Variants in KIF1A observed in about 807,000 individuals in gnomAD.
KIF1A encodes kinesin family member 1A, also known as kinesin-like protein KIF1A.
In KIF1A, 46 loss-of-function variants were observed where a neutral mutation model predicts 227.3. That is an observed-to-expected ratio of 0.20 (90% CI 0.16 to 0.26). KIF1A has a LOEUF of 0.26. Ranked by LOEUF, KIF1A falls within the 10% of genes least tolerant of loss-of-function variation. The pLI, the probability that KIF1A is intolerant of heterozygous loss-of-function variation, is 1.00. For synonymous variants in KIF1A, 1,022 were observed against 1,012.8 expected (o/e 1.01, Z -0.17); for missense variants, 1,683 against 2,485.9 (o/e 0.68, Z 6.87).
intron 7 of KIF1A, among the ~76,000 whole-genome samples, chr2:240,784,691 G>A (rs1199933361): frequency 6.6e-6 from 1 of 152,204 alleles, no homozygotes; most frequent in Non-Finnish European, 1.5e-5. Context: ...GTCAGGGAGA[G>A]GCTGGGTGCC....
chr2:240,769,578 C>T (rs772193615), intron 16 of KIF1A, 49 bp downstream of exon 16: 4 of 1,510,102 alleles, frequency 2.6e-6, no homozygotes, highest in Non-Finnish European at 3.7e-6. Flanking sequence ...AGGCTCCGGG[C>T]TTGCTGGCTG....
At position 240,793,999 on chromosome 2, in the gene KIF1A, C is replaced by T. The variant is rs1223618040; in HGVS notation, c.106+3648G>A. Among the ~76,000 whole-genome samples, 2 of 152,220 alleles carry T rather than the reference C, an allele frequency of 1.3e-5. No individual in the cohort carries two copies. The highest frequency in any genetic ancestry group is 4.8e-5 in the African/African-American group (2 of 41,448). On this transcript the variant is annotated intron_variant, in intron 2 of 48. Coordinates refer to ENST00000498729, the MANE Select transcript of KIF1A (RefSeq NM_001244008.2). The surrounding 1 kb of genome is among the most constrained non-coding windows in gnomAD (Gnocchi z 4.8). ...TTGATCTGAGCTGCAGCTGAGAAGT[C>T]ACCAGGGACGGTGGCTCCTGTGAGT...
intron 10 of KIF1A, chr2:240,782,094 C>T: frequency 1.0e-6 from 1 of 985,386 alleles, no homozygotes; most frequent in Non-Finnish European, 1.2e-6. Flanking sequence ...CCACGCGGTT[C>T]CTCACACAGT....
Position 240,750,551 on chromosome 2 carries a change from G to A in KIF1A, c.2859-4C>T. 6.2e-7 allele frequency: 1 copy of A among 1,609,658 alleles called. No homozygotes were observed. The highest frequency in any genetic ancestry group is 8.5e-7 in the Non-Finnish European group (1 of 1,176,176). Reference sequence around the variant, plus strand: ...GTTGCTCAGGTACACGAAGGCCCTGGGGAGAAGCAGAGGCGGCGGTCATGG... The same window carrying A: ...GTTGCTCAGGTACACGAAGGCCCTGAGGAGAAGCAGAGGCGGCGGTCATGG... On this transcript the variant is annotated splice_region_variant and splice_polypyrimidine_tract_variant and intron_variant, in intron 27 of 48. Coordinates refer to ENST00000498729, the MANE Select transcript of KIF1A (RefSeq NM_001244008.2).
chr2:240,776,076 C>T (rs1401628819), intron 10 of KIF1A, 150 bp from the exon 11 acceptor site: 1 of 649,080 alleles, frequency 1.5e-6, no homozygotes, highest in Non-Finnish European at 2.8e-6. Flanking sequence ...TCTCAGGCTG[C>T]CCAGGCCTCT....
chr2:240,783,630 A>G, intron 8 of KIF1A, 109 bp downstream of exon 8: 1 of 787,376 alleles, frequency 1.3e-6, no homozygotes, highest in Non-Finnish European at 2.0e-6. Flanking sequence ...ATGCAGGCTC[A>G]CCCTCAGGGT....
chr2:240,746,372 G>A (rs1048778787), intron 29 of KIF1A, among the ~76,000 whole-genome samples, 195 bp from the exon 30 acceptor site: 1 of 152,210 alleles, frequency 6.6e-6, no homozygotes, highest in Admixed American at 6.5e-5. Context: ...TCCCTGCTGT[G>A]GATGTGTGTC....
In KIF1A at chr2:240,747,375, T is replaced by G. The variant is rs1227644351; in HGVS notation, c.2978-54A>C. Reference sequence around the variant, plus strand: ...AGCCCAGCTTGTCCCCTGAGGTGGGTGTGGGCAGAGCCAGGCTGGGCCACC... The same window carrying G: ...AGCCCAGCTTGTCCCCTGAGGTGGGGGTGGGCAGAGCCAGGCTGGGCCACC... On this transcript the variant is annotated intron_variant, in intron 28 of 48. Transcript: ENST00000498729. The G allele has an allele frequency of 6.8e-6, 10 of 1,469,648 alleles. No individual in the cohort carries two copies. In the East Asian group the frequency reaches 6.9e-5, roughly 10 times the overall value. The allele number at this position is 1,469,648 out of a possible 1,614,324, so 91.0% of individuals were successfully genotyped here. A position where few individuals can be genotyped will look rare whatever the true frequency, so the allele number is the denominator to read the frequency against.
intron 10 of KIF1A, among the ~76,000 whole-genome samples, chr2:240,776,691 T>A (rs536509685): frequency 1.3e-5 from 2 of 152,364 alleles, no homozygotes; most frequent in South Asian, 4.1e-4. Context: ...ATGCATTGGC[T>A]TATGAAGCAT....
At position 240,730,951 on chromosome 2, in the gene KIF1A, C is replaced by T. The variant is rs1261848299; in HGVS notation, c.4008-4011G>A. ...CCTCCAGCCTGAGTCCTGGTCAGTACTGGCCCCACCCTCCAAGCCCCCTGA... is the reference window on the plus strand; with the variant it reads ...CCTCCAGCCTGAGTCCTGGTCAGTATTGGCCCCACCCTCCAAGCCCCCTGA... On this transcript the variant is annotated intron_variant, in intron 38 of 48. Transcript: ENST00000498729. Among the ~76,000 whole-genome samples the T allele has an allele frequency of 2.0e-5, 3 of 152,214 alleles. 1 individual carries two copies. In the South Asian group the frequency reaches 6.2e-4, roughly 32 times the overall value.
intron 9 of KIF1A, among the ~76,000 whole-genome samples, 168 bp from the exon 10 acceptor site, chr2:240,782,775 G>A (rs944775508): frequency 1.3e-5 from 2 of 152,136 alleles, no homozygotes; most frequent in Admixed American, 6.5e-5. Flanking sequence ...CTCCAGGGCC[G>A]CCCTTCCCGG....
Position 240,757,365 on chromosome 2 carries a change from G to C in KIF1A, c.2812C>G (p.Arg938Gly), listed in dbSNP as rs375371570. The change falls in exon 27 of 49, where the codon CGG (arginine) becomes GGG (glycine). Residue 938 changes from arginine (R) to glycine (G), a missense_variant. By Grantham distance (125) the Arg-to-Gly change is moderately radical. This residue lies in a region of KIF1A where 759 missense variants were observed against 1,020.2 expected (regional missense o/e 0.74). Coordinates refer to ENST00000498729, the MANE Select transcript of KIF1A (RefSeq NM_001244008.2). The surrounding 1 kb of genome is among the most constrained non-coding windows in gnomAD (Gnocchi z 6.2). ...VFPEHALCDG[R>G]DPFYDRPPLF... ...GGGGGCCGGTCGTAAAACGGGTCCCGGCCGTCGCACAGCGCGTGCTCCGGA... is the reference window on the plus strand; with the variant it reads ...GGGGGCCGGTCGTAAAACGGGTCCCCGCCGTCGCACAGCGCGTGCTCCGGA... 7 of 1,550,644 alleles carry C rather than the reference G, an allele frequency of 4.5e-6. No homozygotes were observed. The South Asian group carries it at 8.3e-5, about 18-fold the overall frequency.
At chr2:240,747,449 G>A (rs887640829) in intron 28 of KIF1A, 128 bp from the exon 29 acceptor site, 3 of 651,662 alleles carry the variant, frequency 4.6e-6, no homozygotes, top group Non-Finnish European at 7.9e-6. Flanking sequence ...GCAGACCCCT[G>A]ACCGAATCTG....
intron 7 of KIF1A, 118 bp from the exon 8 acceptor site, chr2:240,783,934 C>T (rs1217501828): frequency 5.3e-6 from 4 of 758,794 alleles, no homozygotes; most frequent in African/African-American, 3.4e-5. Context: ...GTCCCCTCTG[C>T]AAGGCGCCGC....
intron 1 of KIF1A, among the ~76,000 whole-genome samples, chr2:240,810,507 G>C (rs2057780325): frequency 6.6e-6 from 1 of 152,122 alleles, no homozygotes; most frequent in South Asian, 2.1e-4. Flanking sequence ...AAAATAACAT[G>C]GTAACATCTG....
Position 240,798,750 on chromosome 2 carries a change from G to A in KIF1A, c.-60-938C>T, listed in dbSNP as rs143326824. ...TCCCCGTGGGACTTGCGGCCTGAAC[G>A]ATGGGGCTCCTGGGCACAGGGACAG... On this transcript the variant is annotated intron_variant, in intron 1 of 48. Coordinates refer to ENST00000498729, the MANE Select transcript of KIF1A (RefSeq NM_001244008.2). Among the ~76,000 whole-genome samples the A allele has an allele frequency of 1.2e-3, 186 of 152,334 alleles. 3 individuals are homozygous for A. The highest frequency in any genetic ancestry group is 3.4e-3 in the Middle Eastern group (1 of 294).
chr2:240,718,242 CCAGG>C, intron 47 of KIF1A, 74 bp from the exon 48 acceptor site: 1 of 1,060,064 alleles, frequency 9.4e-7, no homozygotes, highest in Non-Finnish European at 1.4e-6. Flanking sequence ...TCCCCAGGGC[CCAGG>C]CAGGCAGGGG....
intron 38 of KIF1A, among the ~76,000 whole-genome samples, chr2:240,727,546 C>CG (rs902556804): frequency 1.3e-5 from 2 of 152,180 alleles, no homozygotes; most frequent in African/African-American, 2.4e-5. Context: ...AGGAAGGCCC[C>CG]GGGGGGAGGA....
Position 240,718,952 on chromosome 2 carries a change from C to T in KIF1A, c.5214+54G>A, listed in dbSNP as rs187953389. The stretch of plus-strand genomic sequence containing the variant: ...AGGGCTGCAGAGGATGGTGGCTCAG[C>T]TCCTGCCCTGCTAGGGTTCCTGGTG... On this transcript the variant is annotated intron_variant, in intron 47 of 48. Transcript: ENST00000498729. 797 of 1,454,120 alleles carry T rather than the reference C, an allele frequency of 5.5e-4. 7 individuals are homozygous for T. The East Asian group carries it at 0.014, about 26-fold the overall frequency. 90.1% of individuals were successfully genotyped at this position (1,454,120 alleles called of 1,614,324 possible).
Sources: allele counts gnomAD v4.1 joint callset (sites outside exome capture counted in the v4.1 genomes callset), GRCh38; gene constraint gnomAD v4.1.1; regional missense constraint gnomAD v4.1.1; non-coding constraint Gnocchi (gnomAD v3.1); transcripts MANE v1.5; gene names NCBI Gene and HGNC (gene_info 2026-07-23, HGNC 2026-07-21).